Variants in COP1 observed in about 807,000 individuals in gnomAD.
COP1 encodes COP1 E3 ubiquitin ligase.
A neutral mutation model predicts 101.3 loss-of-function variants in COP1; 24 were observed. The ratio of observed to expected loss-of-function variants is 0.24; its 90% confidence interval spans 0.17 to 0.33. COP1 has a LOEUF of 0.33. Among genes scored for constraint, COP1 ranks in the 10% least tolerant of loss-of-function variants. The pLI, the probability that COP1 is intolerant of heterozygous loss-of-function variation, is 1.00. For synonymous variants in COP1, 347 were observed against 341.9 expected, an observed-to-expected ratio of 1.01 and a Z score of -0.17; for missense variants, 663 against 906.2, an observed-to-expected ratio of 0.73 and a Z score of 3.45.
chr1:176,125,913 T>G (rs112307589), intron 8 of COP1, among the ~76,000 whole-genome samples: 18 of 152,204 alleles, frequency 1.2e-4, no homozygotes, highest in African/African-American at 4.3e-4. Context: ...CAGTGCTTTA[T>G]AGTTTTCATT....
At chr1:176,083,039 C>G (rs1383779550) in intron 10 of COP1, among the ~76,000 whole-genome samples, 2 of 151,948 alleles carry the variant, frequency 1.3e-5, no homozygotes, top group Non-Finnish European at 2.9e-5. Context: ...AACTCTTGCT[C>G]CACAAAAATT....
At chr1:176,079,156 T>A (rs185612464) in intron 11 of COP1, among the ~76,000 whole-genome samples, 130 of 152,150 alleles carry the variant, frequency 8.5e-4, no homozygotes, top group Middle Eastern at 3.4e-3. Context: ...CAAAAGAAAG[T>A]AAGTTGTTCT....
chr1:176,136,761 A>C (rs780707253), intron 6 of COP1, among the ~76,000 whole-genome samples: 1 of 152,206 alleles, frequency 6.6e-6, no homozygotes, highest in Non-Finnish European at 1.5e-5. Context: ...GTGAAAACAC[A>C]ATGTTGTACT....
intron 9 of COP1, among the ~76,000 whole-genome samples, chr1:176,106,772 A>G (rs1392135799): frequency 6.6e-6 from 1 of 152,212 alleles, no homozygotes; most frequent in Non-Finnish European, 1.5e-5. Context: ...GTAACAGCAC[A>G]GCGGCTCTGC....
chr1:176,013,278 T>C (rs1314930279), intron 15 of COP1, among the ~76,000 whole-genome samples: 1 of 152,120 alleles, frequency 6.6e-6, no homozygotes, highest in African/African-American at 2.4e-5. Context: ...CCCAAAAATA[T>C]ATGATTATAG....
chr1:176,181,948 G>C (rs1332393612), intron 2 of COP1, among the ~76,000 whole-genome samples: 1 of 152,092 alleles, frequency 6.6e-6, no homozygotes, highest in African/African-American at 2.4e-5. Context: ...ATTGTTTTGA[G>C]AGCAGGAGGT....
At chr1:176,145,561 T>C (rs778327417) in intron 6 of COP1, among the ~76,000 whole-genome samples, 5 of 152,152 alleles carry the variant, frequency 3.3e-5, no homozygotes, top group South Asian at 2.1e-4. Context: ...TATAACATAG[T>C]AGTATTTTTT....
chr1:176,122,794 TG>T (rs1035202206), intron 8 of COP1, among the ~76,000 whole-genome samples: 1 of 152,196 alleles, frequency 6.6e-6, no homozygotes, highest in Non-Finnish European at 1.5e-5. Context: ...AAGTTTTTTT[TG>T]TAAGAGGAGT....
At chr1:176,044,152 T>C (rs1230627529) in intron 12 of COP1, among the ~76,000 whole-genome samples, 1 of 152,176 alleles carries the variant, frequency 6.6e-6, no homozygotes, top group Non-Finnish European at 1.5e-5. Context: ...GCTCAAGGCA[T>C]ACCATGGCAG....
At chr1:175,960,209 G>C (rs1651167587) in intron 18 of COP1, among the ~76,000 whole-genome samples, 1 of 152,120 alleles carries the variant, frequency 6.6e-6, no homozygotes, top group Admixed American at 6.5e-5. Context: ...ACAAAACATA[G>C]ACAGAGTGAC....
At chr1:175,949,168 C>CAAAAAAAAAAAAAAAAAAAAAAAAAAAAA (rs56280543) in intron 18 of COP1, among the ~76,000 whole-genome samples, 1 of 43,142 alleles carries the variant, frequency 2.3e-5, no homozygotes, top group Admixed American at 3.4e-4. Context: ...GGCTCCGTCT[C>CAAAAAAAAAAAAAAAAAAAAAAAAAAAAA]AAAAAAAAAA....
At chr1:176,186,699 C>T (rs771798577) in intron 1 of COP1, among the ~76,000 whole-genome samples, 1 of 152,112 alleles carries the variant, frequency 6.6e-6, no homozygotes, top group Non-Finnish European at 1.5e-5. Flanking sequence ...ACCTGCTATG[C>T]TGAAAAGAAG....
chr1:176,170,817 G>T, intron 3 of COP1, among the ~76,000 whole-genome samples: 1 of 152,032 alleles, frequency 6.6e-6, no homozygotes. Context: ...GTCCTAGATG[G>T]CATCTTCTTC....
At chr1:176,192,497 C>T (rs1273251785) in intron 1 of COP1, among the ~76,000 whole-genome samples, 1 of 152,124 alleles carries the variant, frequency 6.6e-6, no homozygotes, top group Non-Finnish European at 1.5e-5. Context: ...AACACTACAC[C>T]AAGAACTTTA....
At chr1:176,023,718 C>CAAAA (rs759455090) in intron 15 of COP1, among the ~76,000 whole-genome samples, 5 of 122,070 alleles carry the variant, frequency 4.1e-5, no homozygotes, top group African/African-American at 1.4e-4. Flanking sequence ...AACTCCATCT[C>CAAAA]AAAAAAAAAA....
chr1:175,987,520 A>G (rs1247620082), intron 17 of COP1, among the ~76,000 whole-genome samples: 3 of 152,208 alleles, frequency 2.0e-5, no homozygotes, highest in Admixed American at 1.3e-4. Flanking sequence ...GAGGTAAAAG[A>G]AAGTGGCAAC....
intron 15 of COP1, among the ~76,000 whole-genome samples, chr1:175,990,510 T>C (rs546251745): frequency 1.3e-5 from 2 of 152,292 alleles, no homozygotes; most frequent in African/African-American, 4.8e-5. Flanking sequence ...AGATTGACAA[T>C]GTTATTCAAG....
At chr1:176,201,948 A>G (rs906763484) in intron 1 of COP1, among the ~76,000 whole-genome samples, 1 of 152,216 alleles carries the variant, frequency 6.6e-6, no homozygotes, top group African/African-American at 2.4e-5. Context: ...GTAACTGAAC[A>G]TGCTTTTAAC....
chr1:176,040,639 A>G lies in COP1; in HGVS notation c.1612+2547T>C, dbSNP rs142488015. On this transcript the variant is annotated intron_variant, in intron 14 of 19. Transcript: ENST00000367669. ...AGTTCTTAAATCAAGGAAAAAAGGTATTCCATTCTGTATATAGTAGGAATA... is the reference window on the plus strand; with the variant it reads ...AGTTCTTAAATCAAGGAAAAAAGGTGTTCCATTCTGTATATAGTAGGAATA... 8.8e-3 allele frequency among the ~76,000 whole-genome samples: 1,341 copies of G among 152,272 alleles called. 22 individuals are homozygous for G. Among genetic ancestry groups the G allele is most frequent in the African/African-American group, 0.03 (1,250 of 41,534 alleles).
Sources: allele counts gnomAD v4.1 joint callset (sites outside exome capture counted in the v4.1 genomes callset), GRCh38; gene constraint gnomAD v4.1.1; transcripts MANE v1.5; gene names NCBI Gene and HGNC (gene_info 2026-07-23, HGNC 2026-07-21).